TUSC3: variants seen among roughly 807,000 people sequenced by gnomAD.
TUSC3 encodes the protein dolichyl-diphosphooligosaccharide--protein glycosyltransferase subunit TUSC3.
In TUSC3, 45 loss-of-function variants were observed where a neutral mutation model predicts 44.8. The ratio of observed to expected loss-of-function variants is 1.00; its 90% CI spans 0.79 to 1.29. TUSC3 has a LOEUF of 1.29. TUSC3 is among the 50% of genes most tolerant of loss of function. TUSC3 has a pLI of 0.00. For missense variants in TUSC3, 519 were observed against 437.9 expected, an observed-to-expected ratio of 1.19 and a Z score of -1.65; for synonymous variants, 212 against 152.9, an observed-to-expected ratio of 1.39 and a Z score of -2.85.
Position 15,657,019 on chromosome 8 carries a change from C to A in TUSC3, c.427-2488C>A, listed in dbSNP as rs986265700. Among the ~76,000 whole-genome samples, 4 of 152,228 alleles carry A rather than the reference C, an allele frequency of 2.6e-5. No homozygotes were observed. In the East Asian group the frequency reaches 7.8e-4, roughly 30 times the overall value. ...CAGGGAGTGGACACCCCAAGTGGCT[C>A]TGAACAGTGAGCTTTGACGTCCCAT... On this transcript the variant is annotated intron_variant, in intron 3 of 10. Coordinates refer to ENST00000503731, the MANE Select transcript of TUSC3 (RefSeq NM_006765.4).
At chr8:15,517,089 G>A (rs1373281752) in intron 2 of TUSC3, among the ~76,000 whole-genome samples, 6 of 152,102 alleles carry the variant, frequency 3.9e-5, no homozygotes, top group African/African-American at 1.4e-4. Flanking sequence ...ATCAATAGCT[G>A]CATTTTCAAT....
intron 9 of TUSC3, among the ~76,000 whole-genome samples, chr8:15,754,692 T>G (rs1811849147): frequency 6.6e-6 from 1 of 152,172 alleles, no homozygotes; most frequent in African/African-American, 2.4e-5. Flanking sequence ...GTCTTCGTTT[T>G]GCATTTTTGT....
At chr8:15,710,923 G>A (rs2129199595) in intron 6 of TUSC3, among the ~76,000 whole-genome samples, 1 of 150,204 alleles carries the variant, frequency 6.7e-6, no homozygotes, top group African/African-American at 2.4e-5. Flanking sequence ...ATCAAGAAGT[G>A]GAATTTTGCC....
chr8:15,599,968 T>C (rs1804216191), intron 1 of TUSC3, among the ~76,000 whole-genome samples: 1 of 151,710 alleles, frequency 6.6e-6, no homozygotes, highest in Admixed American at 6.6e-5. Flanking sequence ...TCGATTCTTT[T>C]GAATTTTCTG....
intron 6 of TUSC3, among the ~76,000 whole-genome samples, chr8:15,684,729 G>C (rs969764721): frequency 3.3e-5 from 5 of 152,180 alleles, no homozygotes; most frequent in Admixed American, 3.3e-4. Flanking sequence ...TAAGGCCACA[G>C]ATCTGCAGCT....
At chr8:15,781,785 CATCTT>C in the TUSC3 span, among the ~76,000 whole-genome samples, 1 of 152,214 alleles carries the variant, frequency 6.6e-6, no homozygotes, top group Admixed American at 6.5e-5. Context: ...CTTCCAAACT[CATCTT>C]ATGAGGCCAG....
intron 1 of TUSC3, among the ~76,000 whole-genome samples, chr8:15,548,240 C>G (rs562648336): frequency 2.0e-5 from 3 of 151,900 alleles, no homozygotes; most frequent in South Asian, 4.2e-4. Flanking sequence ...AACTATTTGT[C>G]TAACTTTTGT....
chr8:15,612,088 C>T (rs1353972876), intron 1 of TUSC3, among the ~76,000 whole-genome samples: 3 of 152,116 alleles, frequency 2.0e-5, no homozygotes, highest in Non-Finnish European at 4.4e-5. Flanking sequence ...CAGTTGATAC[C>T]TTCAACATGT....
chr8:15,617,138 ATTTTTT>A (rs71211064), intron 1 of TUSC3, among the ~76,000 whole-genome samples: 105 of 88,916 alleles, frequency 1.2e-3, no homozygotes, highest in Non-Finnish European at 2.1e-3. Context: ...GTGTGTATAT[ATTTTTT>A]TTTTTTTTTT....
At chr8:15,692,385 T>C (rs1342060565) in intron 6 of TUSC3, among the ~76,000 whole-genome samples, 1 of 142,110 alleles carries the variant, frequency 7.0e-6, no homozygotes, top group Non-Finnish European at 1.5e-5. Flanking sequence ...GTTTTTTTTT[T>C]TTTTTTTTTT....
intron 1 of TUSC3, among the ~76,000 whole-genome samples, chr8:15,452,541 A>C (rs910607118): frequency 6.6e-6 from 1 of 152,168 alleles, no homozygotes; most frequent in Non-Finnish European, 1.5e-5. Flanking sequence ...GTGGAGCCCT[A>C]ATTAGGGAAG....
chr8:15,713,254 A>G (rs1174096161), intron 6 of TUSC3, among the ~76,000 whole-genome samples: 1 of 152,094 alleles, frequency 6.6e-6, no homozygotes, highest in Non-Finnish European at 1.5e-5. Flanking sequence ...GTTTCTTCTC[A>G]TTTATTTTCT....
chr8:15,791,203 T>C, the TUSC3 span, among the ~76,000 whole-genome samples: 2 of 152,086 alleles, frequency 1.3e-5, no homozygotes, highest in Admixed American at 6.6e-5. Context: ...ATATAGTTGC[T>C]GATGTAATGA....
the TUSC3 span, among the ~76,000 whole-genome samples, chr8:15,831,565 T>C: frequency 1.3e-5 from 2 of 150,232 alleles, no homozygotes; most frequent in African/African-American, 2.4e-5. Flanking sequence ...CAAAATGATA[T>C]GGGAACAGAC....
At chr8:15,775,017 A>G in the TUSC3 span, among the ~76,000 whole-genome samples, 2 of 152,198 alleles carry the variant, frequency 1.3e-5, no homozygotes, top group Non-Finnish European at 2.9e-5. Context: ...AAACTTGCAC[A>G]AATGTTCATA....
chr8:15,523,654 A>G (rs1463335622), intron 2 of TUSC3, among the ~76,000 whole-genome samples: 21 of 26,140 alleles, frequency 8.0e-4, no homozygotes, highest in East Asian at 7.5e-3. Flanking sequence ...ATATATATAT[A>G]TATATATATA....
At chr8:15,609,796 G>C (rs1245060328) in intron 1 of TUSC3, among the ~76,000 whole-genome samples, 1 of 151,080 alleles carries the variant, frequency 6.6e-6, no homozygotes, top group African/African-American at 2.4e-5. Context: ...ATAAAACAGA[G>C]TAACTCCCAA....
Position 15,623,265 on chromosome 8 carries a change from A to G in TUSC3, c.308+16A>G, listed in dbSNP as rs1188112584. ...CTGTGTGCAGGTAATTTATGTAATT[A>G]AAAAATATTAAAAACTATTATTCTT... On this transcript the variant is annotated intron_variant, in intron 2 of 10. Transcript: ENST00000503731. The G allele has an allele frequency of 1.9e-6, 3 of 1,562,852 alleles. No individual in the cohort carries two copies. Among genetic ancestry groups the G allele is most frequent in the African/African-American group, 1.4e-5 (1 of 72,330 alleles).
At chr8:15,529,244 C>T (rs937301508) in intron 2 of TUSC3, among the ~76,000 whole-genome samples, 3 of 152,128 alleles carry the variant, frequency 2.0e-5, no homozygotes, top group African/African-American at 4.8e-5. Context: ...TTCCCTAATA[C>T]TGTGTTTCAG....
Sources: gnomAD v4.1 joint callset for allele counts (sites outside exome capture counted in the v4.1 genomes callset) on GRCh38, gnomAD v4.1.1 for gene constraint, MANE v1.5 for transcripts, NCBI Gene and HGNC (gene_info 2026-07-23, HGNC 2026-07-21) for gene names.